The following THSD7B variants were observed in gnomAD, a reference collection of about 807,000 sequenced individuals.
THSD7B encodes thrombospondin type-1 domain-containing protein 7B.
THSD7B carries 138 observed loss-of-function variants against 213.6 expected under a neutral mutation model. That is an observed-to-expected ratio of 0.65 (90% CI 0.56 to 0.74). The LOEUF (loss-of-function observed/expected upper bound fraction) is 0.74, where lower values mean the gene tolerates loss of function less well. Among genes scored for constraint, THSD7B ranks in the 30% least tolerant of loss-of-function variants. THSD7B has a pLI of 0.00. For missense variants in THSD7B, 1,931 were observed against 1,991.5 expected (o/e 0.97, Z 0.58); for synonymous variants, 742 against 687.0 (o/e 1.08, Z -1.25).
chr2:137,485,719 C>T (rs1013849774), intron 15 of THSD7B, among the ~76,000 whole-genome samples: 1 of 152,000 alleles, frequency 6.6e-6, no homozygotes, highest in African/African-American at 2.4e-5. Flanking sequence ...TGAAATGAAG[C>T]AAAAAATGTT....
chr2:136,891,784 C>T (rs1683864540), intron 2 of THSD7B, among the ~76,000 whole-genome samples: 2 of 152,148 alleles, frequency 1.3e-5, no homozygotes, highest in African/African-American at 2.4e-5. Flanking sequence ...ATCCATGTTG[C>T]AATTCTCTAT....
intron 5 of THSD7B, among the ~76,000 whole-genome samples, chr2:137,149,222 G>C (rs62172321): frequency 6.6e-6 from 1 of 152,174 alleles, no homozygotes; most frequent in Non-Finnish European, 1.5e-5. Context: ...CAAGAATAAA[G>C]GTTTGGGAAC....
intron 15 of THSD7B, among the ~76,000 whole-genome samples, chr2:137,468,687 A>G (rs1167974259): frequency 6.6e-6 from 1 of 151,460 alleles, no homozygotes; most frequent in Non-Finnish European, 1.5e-5. Context: ...ATATTACATT[A>G]TTTTCTCTGA....
chr2:137,345,292 C>T (rs919701549), intron 12 of THSD7B, among the ~76,000 whole-genome samples: 5 of 151,758 alleles, frequency 3.3e-5, no homozygotes, highest in African/African-American at 9.6e-5. Flanking sequence ...CAGAATAAAA[C>T]ACATTTTGAC....
intron 2 of THSD7B, among the ~76,000 whole-genome samples, chr2:136,916,802 A>T (rs1234861586): frequency 6.6e-6 from 1 of 152,190 alleles, no homozygotes; most frequent in Non-Finnish European, 1.5e-5. Flanking sequence ...GTAGTGATGG[A>T]GGAGGCAGAT....
At chr2:137,316,061 A>G (rs1684090330) in intron 12 of THSD7B, among the ~76,000 whole-genome samples, 1 of 152,226 alleles carries the variant, frequency 6.6e-6, no homozygotes, top group African/African-American at 2.4e-5. Context: ...CTTTGATATC[A>G]TCACAGAATT....
rs535534372 is a variant in THSD7B at position 137,563,216 on chromosome 2, G to T, written c.3139-5G>T. 1 of 1,611,980 alleles carries T rather than the reference G, an allele frequency of 6.2e-7. No homozygotes were observed. ...ATAATTTTGTTTCTTTCCTGTTCTT[G>T]ACAGGTACATGAGGCAGTCCCATGT... On this transcript the variant is annotated splice_polypyrimidine_tract_variant and splice_region_variant and intron_variant, in intron 15 of 27. Coordinates refer to ENST00000409968, the MANE Select transcript of THSD7B (RefSeq NM_001316349.2).
chr2:137,581,520 G>A (rs1681574450), intron 17 of THSD7B, among the ~76,000 whole-genome samples: 2 of 152,224 alleles, frequency 1.3e-5, no homozygotes, highest in African/African-American at 2.4e-5. Flanking sequence ...TGAAGCAGGA[G>A]AAATTGCTTG....
At chr2:137,467,237 T>G (rs1158547040) in intron 15 of THSD7B, among the ~76,000 whole-genome samples, 2 of 152,180 alleles carry the variant, frequency 1.3e-5, no homozygotes, top group African/African-American at 4.8e-5. Context: ...TCAGAACTGC[T>G]TAAGGCAGCA....
chr2:137,532,679 CT>C (rs1216264912), intron 15 of THSD7B, among the ~76,000 whole-genome samples: 2 of 151,752 alleles, frequency 1.3e-5, no homozygotes, highest in African/African-American at 4.8e-5. Flanking sequence ...TTGGCTGTCT[CT>C]TTGCATCTTT....
At chr2:137,004,907 G>T (rs1284635625) in intron 2 of THSD7B, among the ~76,000 whole-genome samples, 2 of 152,058 alleles carry the variant, frequency 1.3e-5, no homozygotes, top group Non-Finnish European at 2.9e-5. Context: ...CTATGAAGAG[G>T]TAAACTATTT....
At chr2:137,129,986 A>G (rs995594723) in intron 5 of THSD7B, among the ~76,000 whole-genome samples, 4 of 152,326 alleles carry the variant, frequency 2.6e-5, no homozygotes, top group Non-Finnish European at 5.9e-5. Context: ...GTTGGAGGAC[A>G]GTTATAAGAA....
At chr2:136,855,252 T>C (rs755709237) in intron 1 of THSD7B, among the ~76,000 whole-genome samples, 1 of 152,192 alleles carries the variant, frequency 6.6e-6, no homozygotes, top group Non-Finnish European at 1.5e-5. Flanking sequence ...AGTGTATATA[T>C]ATATATGGAT....
chr2:137,643,036 G>A (rs989966721), intron 21 of THSD7B, among the ~76,000 whole-genome samples: 2 of 152,118 alleles, frequency 1.3e-5, no homozygotes, highest in Non-Finnish European at 2.9e-5. Context: ...CACTTTTAGG[G>A]TTAGACAAAA....
At chr2:137,385,070 A>C (rs1685860742) in intron 12 of THSD7B, among the ~76,000 whole-genome samples, 1 of 152,184 alleles carries the variant, frequency 6.6e-6, no homozygotes, top group Admixed American at 6.5e-5. Context: ...AGGGAGCTTC[A>C]AAGAATTTTC....
chr2:136,787,552 C>A (rs1681888275), intron 1 of THSD7B, among the ~76,000 whole-genome samples: 1 of 152,130 alleles, frequency 6.6e-6, no homozygotes, highest in South Asian at 2.1e-4. Flanking sequence ...AAGGAACCAA[C>A]TTCCCTGGTC....
intron 17 of THSD7B, among the ~76,000 whole-genome samples, chr2:137,579,305 T>G (rs936213512): frequency 1.8e-4 from 28 of 152,154 alleles, no homozygotes; most frequent in African/African-American, 6.8e-4. Flanking sequence ...TCTGCCTGAT[T>G]GCCTTACACT....
At chr2:137,071,344 A>G (rs893005089) in intron 3 of THSD7B, among the ~76,000 whole-genome samples, 1 of 152,202 alleles carries the variant, frequency 6.6e-6, no homozygotes, top group Non-Finnish European at 1.5e-5. Flanking sequence ...CTTTTGCTGC[A>G]TAAATGTCTT....
chr2:136,946,132 C>T (rs1334363366), intron 2 of THSD7B, among the ~76,000 whole-genome samples: 1 of 152,098 alleles, frequency 6.6e-6, no homozygotes, highest in East Asian at 1.9e-4. Context: ...TGGTGATCTA[C>T]ATATGGGGTT....
Sources: allele counts gnomAD v4.1 joint callset (sites outside exome capture counted in the v4.1 genomes callset), GRCh38; gene constraint gnomAD v4.1.1; transcripts MANE v1.5; gene names NCBI Gene and HGNC (gene_info 2026-07-23, HGNC 2026-07-21).